The following ANKHD1 variants were observed in gnomAD, a reference collection of about 807,000 sequenced individuals.
The protein encoded by ANKHD1 is ankyrin repeat and KH domain containing 1.
ANKHD1 carries 31 observed loss-of-function variants against 230.5 expected under a neutral mutation model. That is an observed-to-expected ratio of 0.13 (90% confidence interval 0.10 to 0.18). The LOEUF is 0.18. ANKHD1 is among the 10% of genes least tolerant of loss of function. The pLI, the probability that ANKHD1 is intolerant of heterozygous loss-of-function variation, is 1.00. For synonymous variants in ANKHD1, 1,074 were observed against 1,117.6 expected (o/e 0.96, Z 0.78); for missense variants, 2,256 against 3,071.3 (o/e 0.73, Z 6.27).
At chr5:140,471,707 T>C (rs1489249124) in intron 10 of ANKHD1, among the ~76,000 whole-genome samples, 1 of 152,194 alleles carries the variant, frequency 6.6e-6, no homozygotes, top group Non-Finnish European at 1.5e-5. Context: ...TTAGATAGTT[T>C]CTCTCTGTTA....
At chr5:140,535,213 T>C in intron 29 of ANKHD1, 149 bp from the exon 30 acceptor site, 4 of 1,251,470 alleles carry the variant, frequency 3.2e-6, no homozygotes, top group Non-Finnish European at 4.3e-6. Flanking sequence ...GGATTGTTTT[T>C]GCTGTGGTCT....
chr5:140,453,713 G>A (rs1774932124), intron 7 of ANKHD1, among the ~76,000 whole-genome samples: 1 of 152,082 alleles, frequency 6.6e-6, no homozygotes, highest in African/African-American at 2.4e-5. Context: ...CCTGAAGGAA[G>A]CACTAAACAT....
chr5:140,429,082 G>A (rs953816427), intron 1 of ANKHD1, among the ~76,000 whole-genome samples: 3 of 146,114 alleles, frequency 2.1e-5, no homozygotes, highest in Non-Finnish European at 4.5e-5. Flanking sequence ...TACCATGCCC[G>A]GCCTAGAATT....
chr5:140,450,904 G>A (rs1774683445), intron 7 of ANKHD1, among the ~76,000 whole-genome samples: 2 of 152,032 alleles, frequency 1.3e-5, no homozygotes, highest in Admixed American at 6.6e-5. Flanking sequence ...TGTAATCCTA[G>A]CACTTTGAGA....
intron 5 of ANKHD1, among the ~76,000 whole-genome samples, chr5:140,443,654 T>G (rs1402850357): frequency 6.8e-6 from 1 of 147,742 alleles, no homozygotes; most frequent in African/African-American, 2.5e-5. Context: ...TCGTGTCGCC[T>G]GGGCGACAGA....
In ANKHD1 at chr5:140,485,284, C is replaced by T. The variant is rs774350591; in HGVS notation, c.1998+36C>T. ...TAAAAATAAGTAAACAGGCTGTGTGCGGTGGCTCATGTCTATGATCCCAGC... is the reference window on the plus strand; with the variant it reads ...TAAAAATAAGTAAACAGGCTGTGTGTGGTGGCTCATGTCTATGATCCCAGC... On this transcript the variant is annotated intron_variant, in intron 12 of 33. Coordinates refer to ENST00000360839, the MANE Select transcript of ANKHD1 (RefSeq NM_017747.3). This position sits in a 1 kb window ranked among gnomAD's most constrained non-coding sequence, Gnocchi z 4.8. The T allele has an allele frequency of 1.9e-5, 30 of 1,587,278 alleles. No individual in the cohort carries two copies. Among genetic ancestry groups the T allele is most frequent in the Non-Finnish European group, 2.6e-5 (30 of 1,162,194 alleles).
intron 10 of ANKHD1, among the ~76,000 whole-genome samples, chr5:140,472,846 T>C (rs1332852194): frequency 6.6e-6 from 1 of 152,170 alleles, no homozygotes. Context: ...GAATATTTTT[T>C]CATAGGAAAT....
chr5:140,499,325 A>G (rs942976381), intron 15 of ANKHD1, among the ~76,000 whole-genome samples: 6 of 152,130 alleles, frequency 3.9e-5, no homozygotes, highest in Non-Finnish European at 5.9e-5. Context: ...CTGTAATTGT[A>G]AAACATATTA....
At chr5:140,513,030 T>G (rs898260578) in intron 23 of ANKHD1, 107 bp downstream of exon 23, 2 of 1,103,830 alleles carry the variant, frequency 1.8e-6, no homozygotes, top group South Asian at 1.6e-5. Flanking sequence ...GTTGGTCACC[T>G]GATCTCTTTA....
intron 1 of ANKHD1, among the ~76,000 whole-genome samples, chr5:140,425,007 CCTA>C (rs1772288437): frequency 6.6e-6 from 1 of 151,976 alleles, no homozygotes; most frequent in Non-Finnish European, 1.5e-5. Context: ...TTAATGGTAG[CCTA>C]TTATGTTTTT....
rs569020565 is a variant in ANKHD1, at chr5:140,529,856, A to C, written c.6850+60A>C. On this transcript the variant is annotated intron_variant, in intron 29 of 33. Transcript: ENST00000360839. ...AGCTCCTATGGCCTAATCTCACCTT[A>C]AGTGGACAAAAAAAGTAGCAAGAGG... The C allele has an allele frequency of 5.5e-5, 86 of 1,564,182 alleles. No individual in the cohort carries two copies. In the Middle Eastern group the frequency reaches 1.4e-3, roughly 25 times the overall value.
intron 9 of ANKHD1, 21 bp downstream of exon 9, chr5:140,459,376 T>G (rs201357239): frequency 1.1e-5 from 16 of 1,522,788 alleles, no homozygotes; most frequent in Non-Finnish European, 8.9e-6. Flanking sequence ...TTAAGATGCC[T>G]TATTGCTCAG....
chr5:140,489,683 T>G (rs1030509343), intron 14 of ANKHD1, among the ~76,000 whole-genome samples: 1 of 152,224 alleles, frequency 6.6e-6, no homozygotes, highest in African/African-American at 2.4e-5. Flanking sequence ...TCTTGGATTA[T>G]TTAGTTATTT....
Position 140,402,070 on chromosome 5 carries a change from G to A in ANKHD1, c.103G>A (p.Gly35Arg). Residue 35 changes from glycine (G) to arginine (R), a missense_variant, in exon 1 of 34, where the codon GGA (glycine) becomes AGA (arginine). This residue lies in a region of ANKHD1 where 193 missense variants were observed against 185.8 expected (regional missense o/e 1.04). Transcript: ENST00000360839. ...TGGGGCCTCGGAGCCGCCTCCGCCG[G>A]GAGGGGTCGGTCTGGGGATCCGCAC... is the stretch of plus-strand genomic sequence containing the variant. ...PAGASEPPPP[G>R]GVGLGIRTVR... 1 of 1,493,478 alleles carries A rather than the reference G, an allele frequency of 6.7e-7. No individual in the cohort carries two copies. Among genetic ancestry groups the A allele is most frequent in the Non-Finnish European group, 8.9e-7 (1 of 1,126,056 alleles). The allele number at this position is 1,493,478 out of a possible 1,614,324, so 92.5% of individuals were successfully genotyped here. A position where few individuals can be genotyped will look rare whatever the true frequency, so the allele number is the denominator to read the frequency against.
intron 14 of ANKHD1, among the ~76,000 whole-genome samples, chr5:140,488,500 C>T (rs1232601854): frequency 1.3e-5 from 2 of 151,422 alleles, no homozygotes; most frequent in African/African-American, 4.9e-5. Flanking sequence ...GCAGGAGAAT[C>T]GCTTGAAGCC....
intron 14 of ANKHD1, among the ~76,000 whole-genome samples, chr5:140,489,293 G>T (rs1751660898): frequency 6.6e-6 from 1 of 151,770 alleles, no homozygotes; most frequent in South Asian, 2.1e-4. Flanking sequence ...TGATCGATCA[G>T]CCTGCCCAGC....
intron 1 of ANKHD1, among the ~76,000 whole-genome samples, chr5:140,421,767 G>C (rs1235074236): frequency 6.6e-6 from 1 of 152,138 alleles, no homozygotes; most frequent in African/African-American, 2.4e-5. Context: ...ATAAGAGTCT[G>C]TACTATATTT....
At chr5:140,469,481 G>A (rs1776339518) in intron 10 of ANKHD1, among the ~76,000 whole-genome samples, 1 of 151,818 alleles carries the variant, frequency 6.6e-6, no homozygotes, top group African/African-American at 2.4e-5. Flanking sequence ...CACTCCAGCC[G>A]GGGCAATAGA....
intron 3 of ANKHD1, among the ~76,000 whole-genome samples, chr5:140,439,364 C>G (rs1188583054): frequency 1.3e-5 from 2 of 151,982 alleles, no homozygotes; most frequent in Non-Finnish European, 2.9e-5. Flanking sequence ...TTGTCTTGGG[C>G]CACACATAAA....
Sources: gnomAD v4.1 joint callset for allele counts (sites outside exome capture counted in the v4.1 genomes callset) on GRCh38, gnomAD v4.1.1 for gene constraint, gnomAD v4.1.1 regional missense constraint, Gnocchi (gnomAD v3.1) non-coding constraint, MANE v1.5 for transcripts, NCBI Gene and HGNC (gene_info 2026-07-23, HGNC 2026-07-21) for gene names.